The following PTPRN2 variants were observed in gnomAD, a reference collection of about 807,000 sequenced individuals.
The protein encoded by PTPRN2 is protein tyrosine phosphatase receptor type N2.
Under a neutral mutation model 118.8 loss-of-function variants are expected in PTPRN2, and 74 were observed. That is an observed-to-expected ratio of 0.62 (90% confidence interval 0.52 to 0.76). PTPRN2 has a LOEUF of 0.76. Ranked by LOEUF, PTPRN2 falls within the 30% of genes least tolerant of loss-of-function variation. The probability of loss-of-function intolerance (pLI) is 0.00; values close to 1 mark genes in which losing one functional copy is unlikely to be tolerated. For synonymous variants in PTPRN2, 641 were observed against 608.0 expected (o/e 1.05, Z -0.80); for missense variants, 1,481 against 1,394.4 (o/e 1.06, Z -0.99).
chr7:158,429,127 C>T (rs928837649), intron 2 of PTPRN2, among the ~76,000 whole-genome samples: 1 of 152,190 alleles, frequency 6.6e-6, no homozygotes, highest in African/African-American at 2.4e-5. Context: ...AACATGCTTC[C>T]GGATCCAACC....
intron 2 of PTPRN2, among the ~76,000 whole-genome samples, chr7:158,381,910 T>C (rs1211007881): frequency 6.6e-6 from 1 of 152,112 alleles, no homozygotes; most frequent in Non-Finnish European, 1.5e-5. Context: ...GTAAGACTTA[T>C]TCACTACCAT....
At chr7:157,935,517 C>T (rs909232288) in intron 11 of PTPRN2, among the ~76,000 whole-genome samples, 8 of 152,224 alleles carry the variant, frequency 5.3e-5, no homozygotes, top group East Asian at 1.9e-4. Flanking sequence ...GAGGTTCCCA[C>T]GTGTCCCCTC....
rs901905769 is a variant in PTPRN2 at position 158,548,632 on chromosome 7, C to T, written c.112+38926G>A. ...TTTGCACTCTTCTTTGTAACATATG[C>T]CTGTGTGCCTTTTATGATAAAGGTG... On this transcript the variant is annotated intron_variant, in intron 1 of 22. Coordinates refer to ENST00000389418, the MANE Select transcript of PTPRN2 (RefSeq NM_002847.5). 2.0e-5 allele frequency among the ~76,000 whole-genome samples: 3 copies of T among 152,216 alleles called. No individual in the cohort carries two copies. The East Asian group carries it at 5.8e-4, about 29-fold the overall frequency.
chr7:158,037,264 T>C (rs1239005067), intron 11 of PTPRN2, among the ~76,000 whole-genome samples: 2 of 152,228 alleles, frequency 1.3e-5, no homozygotes, highest in Non-Finnish European at 2.9e-5. Flanking sequence ...GCCATGTAAG[T>C]ACAGAAGTGG....
rs1800492412 is a variant in PTPRN2 at position 157,583,312 on chromosome 7, G to C, written c.2497-5172C>G. On this transcript the variant is annotated intron_variant, in intron 17 of 22. Coordinates refer to ENST00000389418, the MANE Select transcript of PTPRN2 (RefSeq NM_002847.5). This position sits in a 1 kb window ranked among gnomAD's most constrained non-coding sequence, Gnocchi z 5.5. ...AGTAGAAGGGGGGCTGCCAGGGCCT[G>C]GGGCTGAGGGTGGAATGGGGAGCAA... Among the ~76,000 whole-genome samples, 1 of 152,070 alleles carries C rather than the reference G, an allele frequency of 6.6e-6. No homozygotes were observed. The highest frequency in any genetic ancestry group is 6.6e-5 in the Admixed American group (1 of 15,266).
At position 157,717,060 on chromosome 7, in the gene PTPRN2, A is replaced by C. The variant is rs879040112; in HGVS notation, c.1789-34123T>G. Among the ~76,000 whole-genome samples, 7 of 142,922 alleles carry C rather than the reference A, an allele frequency of 4.9e-5. No individual in the cohort carries two copies. In the South Asian group the frequency reaches 1.3e-3, roughly 27 times the overall value. The allele number at this position is 142,922 out of a possible 152,430, so 93.8% of individuals were successfully genotyped here. A position where few individuals can be genotyped will look rare whatever the true frequency, so the allele number is the denominator to read the frequency against. On this transcript the variant is annotated intron_variant, in intron 12 of 22. Coordinates refer to ENST00000389418, the MANE Select transcript of PTPRN2 (RefSeq NM_002847.5). The stretch of plus-strand genomic sequence containing the variant: ...CTGCGGGAACACTGCCTGGCCACGT[A>C]GACTCTGCAGGAACACTGCCTGGCC...
At chr7:158,160,584 TCTCAGC>T in intron 6 of PTPRN2, among the ~76,000 whole-genome samples, 1 of 152,222 alleles carries the variant, frequency 6.6e-6, no homozygotes, top group Non-Finnish European at 1.5e-5. Context: ...TTTCTTGAGA[TCTCAGC>T]TCTTCGACTG....
chr7:157,721,208 A>AACGGGCACGGT (rs1799213466), intron 12 of PTPRN2, among the ~76,000 whole-genome samples: 1 of 152,234 alleles, frequency 6.6e-6, no homozygotes, highest in South Asian at 2.1e-4. Flanking sequence ...AAGAACACAC[A>AACGGGCACGGT]ACGGGCACGG....
chr7:157,580,831 A>G (rs1585058925), intron 17 of PTPRN2, among the ~76,000 whole-genome samples: 1 of 101,276 alleles, frequency 9.9e-6, no homozygotes, highest in Non-Finnish European at 2.0e-5. Flanking sequence ...TGCACACCCC[A>G]GCACCTGCAC....
chr7:158,472,305 A>G (rs944073393), intron 2 of PTPRN2, among the ~76,000 whole-genome samples: 2 of 152,204 alleles, frequency 1.3e-5, no homozygotes, highest in Non-Finnish European at 2.9e-5. Flanking sequence ...ACGCCCGATC[A>G]GTGTGGTTCC....
chr7:158,142,319 G>T (rs1819465672), intron 6 of PTPRN2, among the ~76,000 whole-genome samples: 1 of 152,244 alleles, frequency 6.6e-6, no homozygotes, highest in Non-Finnish European at 1.5e-5. Context: ...AACTATTCAA[G>T]CTGGGCAGTC....
intron 11 of PTPRN2, among the ~76,000 whole-genome samples, chr7:157,902,746 A>G (rs1440168729): frequency 6.6e-6 from 1 of 152,200 alleles, no homozygotes; most frequent in Non-Finnish European, 1.5e-5. Flanking sequence ...CGAGTCTGAG[A>G]GAGTTTGTTC....
chr7:157,586,874 G>A (rs905632028), intron 17 of PTPRN2, among the ~76,000 whole-genome samples: 1 of 152,260 alleles, frequency 6.6e-6, no homozygotes, highest in Admixed American at 6.5e-5. Context: ...CTGAGCGGAT[G>A]CCATCTTTGG....
At position 157,763,956 on chromosome 7, in the gene PTPRN2, T is replaced by G. The variant is rs776131402; in HGVS notation, c.1789-81019A>C. On this transcript the variant is annotated intron_variant, in intron 12 of 22. Coordinates refer to ENST00000389418, the MANE Select transcript of PTPRN2 (RefSeq NM_002847.5). The surrounding 1 kb of genome is among the most constrained non-coding windows in gnomAD (Gnocchi z 4.9). ...GACCATTTTCCAAACACTCTCATGT[T>G]CGTTTGATCTTCATGATGTCCGTGA... is the stretch of plus-strand genomic sequence containing the variant. Among the ~76,000 whole-genome samples the G allele has an allele frequency of 7.2e-5, 11 of 152,208 alleles. No homozygotes were observed. The highest frequency in any genetic ancestry group is 1.5e-4 in the Non-Finnish European group (10 of 68,048).
intron 11 of PTPRN2, chr7:158,029,557 G>A (rs570896933): frequency 1.3e-5 from 2 of 152,440 alleles, no homozygotes; most frequent in Middle Eastern, 3.4e-3. Context: ...CCTTCAAAGG[G>A]GCTGGGAGCT....
At chr7:158,425,946 C>T (rs1815713439) in intron 2 of PTPRN2, among the ~76,000 whole-genome samples, 3 of 137,600 alleles carry the variant, frequency 2.2e-5, no homozygotes, top group South Asian at 2.3e-4. Flanking sequence ...GCCTGCGCAC[C>T]GCCGGGAAAG....
chr7:157,695,684 T>C (rs559537550), intron 12 of PTPRN2, among the ~76,000 whole-genome samples: 2 of 152,336 alleles, frequency 1.3e-5, no homozygotes, highest in African/African-American at 4.8e-5. Flanking sequence ...TGACTCTGAG[T>C]TGAAATGTAT....
At chr7:158,026,761 C>A (rs1807304551) in intron 11 of PTPRN2, among the ~76,000 whole-genome samples, 1 of 152,160 alleles carries the variant, frequency 6.6e-6, no homozygotes, top group South Asian at 2.1e-4. Context: ...GTACAGGACA[C>A]CGGGAGGAAG....
In PTPRN2 at chr7:158,138,389, C is replaced by T. The variant is rs376293152; in HGVS notation, c.1037G>A (p.Gly346Glu). The change falls in exon 7 of 23, where the codon GGA becomes GAA. Residue 346 changes from glycine (G) to glutamate (E), a missense_variant. By Grantham distance (98) the Gly-to-Glu change is moderately conservative. Transcript: ENST00000389418. Reference sequence around the variant, plus strand: ...TCTCCCAGGGCTGCCTCGAGCTACTCCATGGTCCACGCCTTGCATCAGGCC... The same window carrying T: ...TCTCCCAGGGCTGCCTCGAGCTACTTCATGGTCCACGCCTTGCATCAGGCC... Reference protein sequence around the residue: ...MAGLMQGVDHGVARGSPGRAA... With the variant: ...MAGLMQGVDHEVARGSPGRAA... 8 of 1,613,794 alleles carry T rather than the reference C, an allele frequency of 5.0e-6. No individual in the cohort carries two copies. The highest frequency in any genetic ancestry group is 1.1e-5 in the South Asian group (1 of 91,088).
Sources: gnomAD v4.1 joint callset for allele counts (sites outside exome capture counted in the v4.1 genomes callset) on GRCh38, gnomAD v4.1.1 for gene constraint, Gnocchi (gnomAD v3.1) non-coding constraint, MANE v1.5 for transcripts, NCBI Gene and HGNC (gene_info 2026-07-23, HGNC 2026-07-21) for gene names.